The following SERPINB7 variants were observed in gnomAD, a reference collection of about 807,000 sequenced individuals.
The protein encoded by SERPINB7 is serpin family B member 7.
In SERPINB7, 31 loss-of-function variants were observed where a neutral mutation model predicts 37.4. That is an observed-to-expected ratio of 0.83 (90% CI 0.62 to 1.12). The LOEUF is 1.12. Among genes scored for constraint, SERPINB7 ranks in the 50% most tolerant of loss-of-function variants. The probability of loss-of-function intolerance (pLI) is 0.00; values close to 1 mark genes in which losing one functional copy is unlikely to be tolerated. For synonymous variants in SERPINB7, 163 were observed against 166.1 expected (o/e 0.98, Z 0.14); for missense variants, 521 against 455.3 (o/e 1.14, Z -1.31).
intron 6 of SERPINB7, among the ~76,000 whole-genome samples, chr18:63,800,576 T>G (rs2049536708): frequency 6.6e-6 from 1 of 152,168 alleles, no homozygotes; most frequent in Non-Finnish European, 1.5e-5. Context: ...CAGCAGGGAT[T>G]ATAGTCATTC....
intron 5 of SERPINB7, among the ~76,000 whole-genome samples, chr18:63,796,867 G>A (rs2049494172): frequency 6.6e-6 from 1 of 151,822 alleles, no homozygotes; most frequent in African/African-American, 2.4e-5. Context: ...ATTGCTTTAT[G>A]GACTGAATCT....
intron 1 of SERPINB7, among the ~76,000 whole-genome samples, chr18:63,763,074 G>A (rs955259562): frequency 1.1e-4 from 17 of 152,114 alleles, no homozygotes; most frequent in African/African-American, 3.6e-4. Context: ...CTGTGGATTT[G>A]GGTGAATTGG....
chr18:63,759,111 T>TCTATC (rs2049138248), intron 1 of SERPINB7, among the ~76,000 whole-genome samples: 2 of 152,334 alleles, frequency 1.3e-5, no homozygotes, highest in South Asian at 4.1e-4. Flanking sequence ...GGCTTCATGG[T>TCTATC]CTATCCTATT....
At chr18:63,760,764 G>C (rs1199231354) in intron 1 of SERPINB7, among the ~76,000 whole-genome samples, 1 of 152,202 alleles carries the variant, frequency 6.6e-6, no homozygotes, top group Non-Finnish European at 1.5e-5. Context: ...CCCAAGCCTT[G>C]GCAGCTTCCA....
intron 7 of SERPINB7, among the ~76,000 whole-genome samples, chr18:63,801,387 A>G (rs529444670): frequency 6.6e-6 from 1 of 152,306 alleles, no homozygotes; most frequent in South Asian, 2.1e-4. Flanking sequence ...GATATGATAG[A>G]GTCCTGAGCC....
chr18:63,804,664 C>T lies in SERPINB7; in HGVS notation c.*29C>T. On this transcript the variant is annotated 3_prime_UTR_variant, in exon 8 of 8. Coordinates refer to ENST00000398019, the MANE Select transcript of SERPINB7 (RefSeq NM_003784.4). ...TCCAATTGGTTTCTGTTATAGCAGTCCCCACAACATCAAAGAACCACCACA... is the reference window on the plus strand; with the variant it reads ...TCCAATTGGTTTCTGTTATAGCAGTTCCCACAACATCAAAGAACCACCACA... 1 of 1,551,850 alleles carries T rather than the reference C, an allele frequency of 6.4e-7. No individual in the cohort carries two copies. Among genetic ancestry groups the T allele is most frequent in the Non-Finnish European group, 8.7e-7 (1 of 1,149,698 alleles).
intron 2 of SERPINB7, 40 bp downstream of exon 2, chr18:63,782,580 G>A: frequency 1.3e-6 from 2 of 1,537,328 alleles, no homozygotes; most frequent in Non-Finnish European, 1.8e-6. Flanking sequence ...GGGACAAATT[G>A]TTTTTCCCAC....
chr18:63,788,378 T>C (rs1421846537), intron 2 of SERPINB7, among the ~76,000 whole-genome samples: 1 of 152,166 alleles, frequency 6.6e-6, no homozygotes, highest in Admixed American at 6.5e-5. Flanking sequence ...ATTAAATAAA[T>C]ACAGCTCATA....
At chr18:63,780,364 TG>T in intron 1 of SERPINB7, among the ~76,000 whole-genome samples, 1 of 152,324 alleles carries the variant, frequency 6.6e-6, no homozygotes, top group African/African-American at 2.4e-5. Context: ...TTGTTAATTT[TG>T]ATCTTATTTT....
At position 63,753,365 on chromosome 18, in the gene SERPINB7, C is replaced by T. The variant is rs376933030; in HGVS notation, c.-19+245C>T. On this transcript the variant is annotated intron_variant, in intron 1 of 7. Coordinates refer to the SERPINB7 transcript ENST00000336429. ...TCTTGGGGATTAGAATGACAATTGACGGCCGCATCTATAACATTGGCCAAC... is the reference window on the plus strand; with the variant it reads ...TCTTGGGGATTAGAATGACAATTGATGGCCGCATCTATAACATTGGCCAAC... Among the ~76,000 whole-genome samples the T allele has an allele frequency of 2.2e-4, 34 of 152,228 alleles. 1 individual carries two copies. The South Asian group carries it at 4.6e-3, about 20-fold the overall frequency.
chr18:63,767,336 A>T (rs1246400468), intron 1 of SERPINB7, among the ~76,000 whole-genome samples: 1 of 152,170 alleles, frequency 6.6e-6, no homozygotes, highest in Non-Finnish European at 1.5e-5. Flanking sequence ...AAATGTATTT[A>T]TTCAGGATGG....
At chr18:63,783,186 AAGAGAGAGAGAGAGAGAGAGAGAGAGAG>A (rs1200340375) in intron 2 of SERPINB7, among the ~76,000 whole-genome samples, 3 of 75,226 alleles carry the variant, frequency 4.0e-5, no homozygotes, top group African/African-American at 1.2e-4. Flanking sequence ...GAAAGAAAGA[AAGAGAGAGAGAGAGAGAGAGAGAGAGAG>A]AGAGAGAGAG....
At chr18:63,790,095 C>T (rs2049411310) in intron 2 of SERPINB7, among the ~76,000 whole-genome samples, 1 of 152,196 alleles carries the variant, frequency 6.6e-6, no homozygotes, top group Non-Finnish European at 1.5e-5. Flanking sequence ...AAAACTACAA[C>T]TTAATAACAG....
intron 2 of SERPINB7, among the ~76,000 whole-genome samples, chr18:63,785,795 G>A (rs1483500792): frequency 1.3e-5 from 2 of 150,262 alleles, no homozygotes; most frequent in African/African-American, 4.9e-5. Context: ...TATAGTGTTT[G>A]AATATAAAAG....
At position 63,801,145 on chromosome 18, in the gene SERPINB7, G is replaced by T. The variant is rs558325045; in HGVS notation, c.744+133G>T. The T allele has an allele frequency of 4.0e-4, 347 of 865,262 alleles. 1 individual carries two copies. The highest frequency in any genetic ancestry group is 2.9e-3 in the Middle Eastern group (8 of 2,742). 53.6% of individuals were successfully genotyped at this position (865,262 alleles called of 1,614,324 possible). A position where few individuals can be genotyped will look rare whatever the true frequency, so the allele number is the denominator to read the frequency against. On this transcript the variant is annotated intron_variant, in intron 7 of 7. Coordinates refer to ENST00000398019, the MANE Select transcript of SERPINB7 (RefSeq NM_003784.4). Reference sequence around the variant, plus strand: ...GACTTACCTGCTTATTAATTTATTTGACAAATATTTAAGGGGTACCTAGTA... The same window carrying T: ...GACTTACCTGCTTATTAATTTATTTTACAAATATTTAAGGGGTACCTAGTA...
intron 1 of SERPINB7, among the ~76,000 whole-genome samples, chr18:63,780,223 A>T (rs1474589775): frequency 6.6e-6 from 1 of 152,178 alleles, no homozygotes; most frequent in Non-Finnish European, 1.5e-5. Flanking sequence ...GGCAACCAGC[A>T]TGAAGCCTTG....
chr18:63,768,155 T>G (rs1390476199), intron 1 of SERPINB7, among the ~76,000 whole-genome samples: 2 of 152,084 alleles, frequency 1.3e-5, no homozygotes. Flanking sequence ...TTTTATTGAT[T>G]ACTGCTCTTT....
intron 2 of SERPINB7, among the ~76,000 whole-genome samples, chr18:63,785,914 C>T (rs1388245727): frequency 1.9e-5 from 2 of 107,632 alleles, no homozygotes; most frequent in South Asian, 3.0e-4. Context: ...TATATATACA[C>T]ATATATAATA....
chr18:63,804,432 G>C lies in SERPINB7; in HGVS notation c.940G>C (p.Gly314Arg). 1.2e-6 allele frequency: 2 copies of C among 1,613,704 alleles called. No individual in the cohort carries two copies. The highest frequency in any genetic ancestry group is 1.7e-6 in the Non-Finnish European group (2 of 1,179,812). Reference sequence around the variant, plus strand: ...AGATCTCTCTGGGATTGCTTCGGGGGGTCGTCTGTATATATCAAGGATGAT... The same window carrying C: ...AGATCTCTCTGGGATTGCTTCGGGGCGTCGTCTGTATATATCAAGGATGAT... ...KADLSGIASG[G>R]RLYISRMMHK... Residue 314 changes from glycine (G) to arginine (R), a missense_variant, in exon 8 of 8, where the codon GGT becomes CGT. Physicochemically the swap from Gly to Arg is moderately radical, Grantham distance 125. Coordinates refer to ENST00000398019, the MANE Select transcript of SERPINB7 (RefSeq NM_003784.4).
Sources: allele counts gnomAD v4.1 joint callset (sites outside exome capture counted in the v4.1 genomes callset), GRCh38; gene constraint gnomAD v4.1.1; transcripts MANE v1.5; gene names NCBI Gene and HGNC (gene_info 2026-07-23, HGNC 2026-07-21).